The following SYNPR variants were observed in gnomAD, a reference collection of about 807,000 sequenced individuals.
The protein encoded by SYNPR is synaptoporin.
In SYNPR, 23 loss-of-function variants were observed where a neutral mutation model predicts 32.9. That is an observed-to-expected ratio of 0.70 (90% CI 0.50 to 0.99). The LOEUF (loss-of-function observed/expected upper bound fraction) is 0.99, where lower values mean the gene tolerates loss of function less well. Among genes scored for constraint, SYNPR ranks in the 50% least tolerant of loss-of-function variants. SYNPR has a pLI of 0.00. For synonymous variants in SYNPR, 146 were observed against 135.9 expected (o/e 1.07, Z -0.52); for missense variants, 318 against 349.3 (o/e 0.91, Z 0.71).
At chr3:63,278,149 G>A (rs546879297), upstream of SYNPR, 519 of 172,188 alleles carry the variant, frequency 3.0e-3, 2 homozygotes, top group African/African-American at 0.011. Context: ...AGAGGGCACC[G>A]GGCGCACGGC....
chr3:63,597,546 C>T (rs1408732943), intron 4 of SYNPR, among the ~76,000 whole-genome samples: 1 of 152,100 alleles, frequency 6.6e-6, no homozygotes, highest in Non-Finnish European at 1.5e-5. Flanking sequence ...AGGAGAATGC[C>T]TTTCTCTCTA....
intron 2 of SYNPR, among the ~76,000 whole-genome samples, chr3:63,284,162 C>T (rs9311866): frequency 0.071 from 10,872 of 152,126 alleles, 417 homozygotes; most frequent in Middle Eastern, 0.099. Flanking sequence ...CCTTTGGTCT[C>T]TTTTTTTCCC....
At chr3:63,230,865 G>A (rs550057913) in intron 1 of SYNPR, among the ~76,000 whole-genome samples, 3 of 152,264 alleles carry the variant, frequency 2.0e-5, no homozygotes, top group Admixed American at 6.5e-5. Context: ...ATAACTGTAA[G>A]TCTGGCTTGT....
chr3:63,570,837 C>T (rs1265213711), intron 4 of SYNPR, among the ~76,000 whole-genome samples: 2 of 152,174 alleles, frequency 1.3e-5, no homozygotes, highest in African/African-American at 4.8e-5. Flanking sequence ...CAGCTATTGT[C>T]CCCTAAAGGC....
intron 4 of SYNPR, among the ~76,000 whole-genome samples, chr3:63,601,770 G>A (rs555655768): frequency 5.3e-5 from 8 of 152,186 alleles, no homozygotes; most frequent in African/African-American, 1.9e-4. Context: ...CTTTGCTATT[G>A]TGAATAGTGT....
At chr3:63,595,731 A>T (rs1482119503) in intron 4 of SYNPR, among the ~76,000 whole-genome samples, 3 of 25,846 alleles carry the variant, frequency 1.2e-4, no homozygotes, top group African/African-American at 9.8e-4. Flanking sequence ...ATATATATAT[A>T]TATATATATA....
At chr3:63,285,373 T>G (rs1236420364) in intron 2 of SYNPR, among the ~76,000 whole-genome samples, 1 of 118,552 alleles carries the variant, frequency 8.4e-6, no homozygotes, top group East Asian at 2.3e-4. Flanking sequence ...TTTCCTCTTT[T>G]GTTAAAAAAA....
chr3:63,592,427 G>A (rs538327741), intron 4 of SYNPR, among the ~76,000 whole-genome samples: 9 of 151,892 alleles, frequency 5.9e-5, no homozygotes, highest in African/African-American at 1.2e-4. Flanking sequence ...CAAAATGACC[G>A]AGGAAAAGAT....
intron 2 of SYNPR, among the ~76,000 whole-genome samples, chr3:63,311,206 A>C (rs56803748): frequency 0.061 from 9,302 of 151,976 alleles, 935 homozygotes; most frequent in African/African-American, 0.21. Context: ...ATGAGATGTA[A>C]TATATTTTGT....
At chr3:63,518,289 C>A (rs1701836740) in intron 3 of SYNPR, among the ~76,000 whole-genome samples, 1 of 152,068 alleles carries the variant, frequency 6.6e-6, no homozygotes, top group South Asian at 2.1e-4. Context: ...ACCTGTAATA[C>A]TCTCTAAAGA....
At chr3:63,588,086 G>T (rs901160262) in intron 4 of SYNPR, among the ~76,000 whole-genome samples, 1 of 151,950 alleles carries the variant, frequency 6.6e-6, no homozygotes, top group African/African-American at 2.4e-5. Flanking sequence ...ATCTGCCATT[G>T]TATGGAGAAA....
intron 1 of SYNPR, among the ~76,000 whole-genome samples, chr3:63,243,595 TTTATC>T (rs1413935914): frequency 6.6e-6 from 1 of 152,078 alleles, no homozygotes; most frequent in Non-Finnish European, 1.5e-5. Context: ...CTGCCAAACT[TTTATC>T]AAGCATGTAG....
intron 2 of SYNPR, among the ~76,000 whole-genome samples, chr3:63,255,058 T>C (rs2086370341): frequency 6.6e-6 from 1 of 152,160 alleles, no homozygotes. Context: ...CACCAGTCCA[T>C]GGTACTTTGT....
intron 2 of SYNPR, among the ~76,000 whole-genome samples, chr3:63,334,552 GTGT>G (rs2087263886): frequency 1.4e-5 from 2 of 140,636 alleles, no homozygotes; most frequent in African/African-American, 5.4e-5. Flanking sequence ...GTGTGTGTGT[GTGT>G]GTGGACACAC....
At chr3:63,253,003 C>A (rs2086346929) in intron 2 of SYNPR, among the ~76,000 whole-genome samples, 2 of 147,728 alleles carry the variant, frequency 1.4e-5, no homozygotes, top group African/African-American at 2.5e-5. Flanking sequence ...TATGTGACTG[C>A]ACTCCAGCCT....
intron 4 of SYNPR, among the ~76,000 whole-genome samples, chr3:63,606,417 C>CTTTTTTTTTTTTTTTTTT (rs61299069): frequency 0.023 from 1,560 of 68,212 alleles, 441 homozygotes; most frequent in South Asian, 0.057. Flanking sequence ...CAAATCCTTT[C>CTTTTTTTTTTTTTTTTTT]TTTTTTTTTT....
chr3:63,248,076 G>A (rs17366778), intron 1 of SYNPR, among the ~76,000 whole-genome samples: 9,416 of 152,162 alleles, frequency 0.062, 375 homozygotes, highest in Middle Eastern at 0.085. Context: ...ATGCACAGAG[G>A]GGCCTTGGGA....
At chr3:63,372,094 A>G (rs1013247126) in intron 2 of SYNPR, among the ~76,000 whole-genome samples, 1 of 152,124 alleles carries the variant, frequency 6.6e-6, no homozygotes, top group Non-Finnish European at 1.5e-5. Context: ...TTTCCCTGGA[A>G]AAGGGATCTT....
intron 2 of SYNPR, among the ~76,000 whole-genome samples, chr3:63,354,318 G>C (rs2087547087): frequency 6.6e-6 from 1 of 152,176 alleles, no homozygotes; most frequent in Non-Finnish European, 1.5e-5. Context: ...TTGCTTTCCT[G>C]AATCATCCAG....
Sources: allele counts gnomAD v4.1 joint callset (sites outside exome capture counted in the v4.1 genomes callset), GRCh38; gene constraint gnomAD v4.1.1; transcripts MANE v1.5; gene names NCBI Gene and HGNC (gene_info 2026-07-23, HGNC 2026-07-21).